Variants in PDE10A observed in about 807,000 individuals in gnomAD.
The protein encoded by PDE10A is phosphodiesterase 10A, also known as cAMP and cAMP-inhibited cGMP 3',5'-cyclic phosphodiesterase 10A.
Under a neutral mutation model 97.7 loss-of-function variants are expected in PDE10A, and 39 were observed. That is an observed-to-expected ratio of 0.40 (90% CI 0.31 to 0.52). The LOEUF (loss-of-function observed/expected upper bound fraction) is 0.52, where lower values mean the gene tolerates loss of function less well. Ranked by LOEUF, PDE10A falls within the 20% of genes least tolerant of loss-of-function variation. The probability of loss-of-function intolerance (pLI) is 0.56; values close to 1 mark genes in which losing one functional copy is unlikely to be tolerated. For missense variants in PDE10A, 731 were observed against 1,047.8 expected (o/e 0.70, Z 4.17); for synonymous variants, 371 against 376.8 (o/e 0.98, Z 0.18).
intron 2 of PDE10A, among the ~76,000 whole-genome samples, chr6:165,521,766 C>A (rs142875460): frequency 4.6e-5 from 7 of 152,174 alleles, no homozygotes; most frequent in African/African-American, 1.4e-4. Context: ...AAGACGCCAT[C>A]TCCACAACAT....
chr6:165,905,982 TCC>T (rs1782251330), intron 1 of PDE10A, among the ~76,000 whole-genome samples: 1 of 39,172 alleles, frequency 2.6e-5, no homozygotes, highest in Non-Finnish European at 5.3e-5. Context: ...TCCCTTTTTC[TCC>T]TTCCTTCCTT....
intron 1 of PDE10A, among the ~76,000 whole-genome samples, chr6:165,816,095 G>A (rs369103942): frequency 4.6e-5 from 7 of 151,830 alleles, no homozygotes; most frequent in Non-Finnish European, 8.8e-5. Context: ...GACTACAGGC[G>A]CCCACCACCA....
At chr6:165,877,595 C>T (rs937726509) in intron 1 of PDE10A, among the ~76,000 whole-genome samples, 3 of 152,068 alleles carry the variant, frequency 2.0e-5, no homozygotes, top group Non-Finnish European at 4.4e-5. Context: ...TTGAAATATG[C>T]ATAATTGTGA....
At chr6:165,689,290 T>C (rs1374573576) in intron 1 of PDE10A, among the ~76,000 whole-genome samples, 1 of 152,246 alleles carries the variant, frequency 6.6e-6, no homozygotes, top group Non-Finnish European at 1.5e-5. Flanking sequence ...AATGTTCTTT[T>C]GTTTCCAACA....
intron 3 of PDE10A, among the ~76,000 whole-genome samples, chr6:165,471,998 A>G (rs1779041791): frequency 6.6e-6 from 1 of 152,102 alleles, no homozygotes; most frequent in South Asian, 2.1e-4. Flanking sequence ...CTCCCTTTTG[A>G]GATGAGTTAT....
intron 1 of PDE10A, among the ~76,000 whole-genome samples, chr6:165,608,578 G>A (rs750720044): frequency 2.6e-5 from 4 of 152,066 alleles, no homozygotes; most frequent in African/African-American, 7.2e-5. Flanking sequence ...ACATACATGT[G>A]ATTGTGTCTT....
At chr6:165,878,452 A>G (rs961535169) in intron 1 of PDE10A, among the ~76,000 whole-genome samples, 2 of 152,210 alleles carry the variant, frequency 1.3e-5, no homozygotes, top group Non-Finnish European at 2.9e-5. Context: ...TCACTTCCCT[A>G]CTATCCAGTC....
chr6:165,577,890 G>A (rs1240068859), intron 1 of PDE10A, among the ~76,000 whole-genome samples: 3 of 152,194 alleles, frequency 2.0e-5, no homozygotes, highest in Admixed American at 1.3e-4. Context: ...CCAGCAGCTA[G>A]AGGACACAAT....
At chr6:165,829,396 A>G (rs993417599) in intron 1 of PDE10A, among the ~76,000 whole-genome samples, 4 of 152,226 alleles carry the variant, frequency 2.6e-5, no homozygotes, top group African/African-American at 7.2e-5. Context: ...ACCTTAAAAC[A>G]TTCTGTAGTC....
chr6:165,914,902 G>T (rs1443198230), intron 1 of PDE10A, among the ~76,000 whole-genome samples: 1 of 152,190 alleles, frequency 6.6e-6, no homozygotes, highest in Non-Finnish European at 1.5e-5. Flanking sequence ...CTCACAACTG[G>T]TCTGTTTGAA....
At chr6:165,488,088 G>A (rs1780023576) in intron 2 of PDE10A, among the ~76,000 whole-genome samples, 1 of 148,848 alleles carries the variant, frequency 6.7e-6, no homozygotes, top group Non-Finnish European at 1.5e-5. Context: ...TGCAGCATAG[G>A]ATTTTTATAA....
intron 13 of PDE10A, 24 bp from the exon 14 acceptor site, chr6:165,396,483 A>T: frequency 6.3e-7 from 1 of 1,578,998 alleles, no homozygotes; most frequent in Non-Finnish European, 8.6e-7. Context: ...CCAAAAAAAA[A>T]ACCCCCAAAA....
chr6:165,452,765 T>C (rs921763295), intron 3 of PDE10A, among the ~76,000 whole-genome samples: 1 of 151,962 alleles, frequency 6.6e-6, no homozygotes, highest in Non-Finnish European at 1.5e-5. Flanking sequence ...GCTGTGGCAA[T>C]AACAAATATC....
chr6:165,701,853 G>C (rs1397259597), intron 1 of PDE10A, among the ~76,000 whole-genome samples: 1 of 152,064 alleles, frequency 6.6e-6, no homozygotes, highest in Non-Finnish European at 1.5e-5. Flanking sequence ...GGGGGTTAGG[G>C]AAGGCTTCAT....
chr6:165,795,092 C>T lies in PDE10A; in HGVS notation c.-615+192437G>A, dbSNP rs140016183. 3.9e-5 allele frequency among the ~76,000 whole-genome samples: 6 copies of T among 152,320 alleles called. No homozygotes were observed. The East Asian group carries it at 7.7e-4, about 20-fold the overall frequency. ...AGTGAATTTTCTGCATCTACCTACC[C>T]CACTCTTCCCGGCAATGGCTCCTGT... On this transcript the variant is annotated intron_variant, in intron 1 of 19. Transcript: ENST00000366882.
At chr6:165,395,033 T>C in intron 15 of PDE10A, 148 bp downstream of exon 15, 1 of 528,542 alleles carries the variant, frequency 1.9e-6, no homozygotes, top group Non-Finnish European at 3.4e-6. Flanking sequence ...AGCCCTTTTT[T>C]ATTGGAATAT....
chr6:165,643,316 C>G (rs1468736247), intron 1 of PDE10A, among the ~76,000 whole-genome samples: 2 of 152,108 alleles, frequency 1.3e-5, no homozygotes, highest in East Asian at 3.9e-4. Context: ...GATGTATGGA[C>G]AGATGAGTAT....
intron 2 of PDE10A, among the ~76,000 whole-genome samples, chr6:165,539,791 G>T (rs1292530380): frequency 6.6e-6 from 1 of 152,044 alleles, no homozygotes; most frequent in Non-Finnish European, 1.5e-5. Flanking sequence ...GCCGGGCGTG[G>T]TGGTGCGCAC....
chr6:165,903,090 T>C (rs1258612337), intron 1 of PDE10A, among the ~76,000 whole-genome samples: 1 of 152,236 alleles, frequency 6.6e-6, no homozygotes, highest in African/African-American at 2.4e-5. Context: ...TCAAGTCCTG[T>C]TGCTTTACTT....
Sources: allele counts gnomAD v4.1 joint callset (sites outside exome capture counted in the v4.1 genomes callset), GRCh38; gene constraint gnomAD v4.1.1; transcripts MANE v1.5; gene names NCBI Gene and HGNC (gene_info 2026-07-23, HGNC 2026-07-21).